Variants in MMP12 observed in about 807,000 individuals in gnomAD.
MMP12 encodes the protein matrix metallopeptidase 12, also known as macrophage metalloelastase.
In MMP12, 51 loss-of-function variants were observed where a neutral mutation model predicts 45.2. That is an observed-to-expected ratio of 1.13 (90% CI 0.90 to 1.42). The LOEUF is 1.42. Among genes scored for constraint, MMP12 ranks in the 40% most tolerant of loss-of-function variants. MMP12 has a pLI of 0.00. For synonymous variants in MMP12, 210 were observed against 193.3 expected (o/e 1.09, Z -0.72); for missense variants, 530 against 570.8 (o/e 0.93, Z 0.73).
rs1555008529 is a variant in MMP12 at position 102,866,302 on chromosome 11, A to G, written c.1045+13T>C. 4 of 1,557,164 alleles carry G rather than the reference A, an allele frequency of 2.6e-6. No individual in the cohort carries two copies. The highest frequency in any genetic ancestry group is 3.5e-6 in the Non-Finnish European group (4 of 1,152,386). ...GAAGTAAACTCAATGGCAAAACTAA[A>G]GATTAGAATTACCTTTAAAAAGAAA... On this transcript the variant is annotated intron_variant, in intron 7 of 9. Transcript: ENST00000571244.
chr11:102,872,695 G>A lies in MMP12; in HGVS notation c.350+170C>T, dbSNP rs147753291. Among the ~76,000 whole-genome samples the A allele has an allele frequency of 1.3e-3, 201 of 152,236 alleles. 1 individual carries two copies. Among genetic ancestry groups the A allele is most frequent in the Admixed American group, 0.012 (185 of 15,290 alleles). On this transcript the variant is annotated intron_variant, in intron 2 of 9. Coordinates refer to ENST00000571244, the MANE Select transcript of MMP12 (RefSeq NM_002426.6). The stretch of plus-strand genomic sequence containing the variant: ...CTGGCAAGCCAAACAATTCTCCCCT[G>A]AGTGAACAATTCTTCCTTCTAGAGA...
At chr11:102,871,747 C>T (rs1342814265) in intron 3 of MMP12, 28 bp from the exon 4 acceptor site, 3 of 1,613,418 alleles carry the variant, frequency 1.9e-6, no homozygotes, top group African/African-American at 1.3e-5. Flanking sequence ...AAAATTAGTC[C>T]TTCTATACAT....
At chr11:102,872,759 A>G in intron 2 of MMP12, 106 bp downstream of exon 2, 1 of 1,179,308 alleles carries the variant, frequency 8.5e-7, no homozygotes. Context: ...CAATGGAGGG[A>G]GGTTACTTTA....
intron 5 of MMP12, 53 bp downstream of exon 5, chr11:102,867,855 A>G (rs1859422747): frequency 6.6e-7 from 1 of 1,519,160 alleles, no homozygotes. Context: ...TTGTTAGACT[A>G]TTCATAAAAG....
chr11:102,874,028 C>CAAAAAAAAAAAAAAAAAAAAAA (rs35364937), intron 1 of MMP12, among the ~76,000 whole-genome samples: 3 of 97,484 alleles, frequency 3.1e-5, no homozygotes, highest in Non-Finnish European at 4.3e-5. Flanking sequence ...AACCCTGTCT[C>CAAAAAAAAAAAAAAAAAAAAAA]AAAAAAAAAA....
At chr11:102,874,469 T>C (rs1859558296) in intron 1 of MMP12, among the ~76,000 whole-genome samples, 1 of 152,172 alleles carries the variant, frequency 6.6e-6, no homozygotes, top group South Asian at 2.1e-4. Context: ...CAGCCTGAAG[T>C]GGTTATATTA....
intron 5 of MMP12, 101 bp downstream of exon 5, chr11:102,867,807 A>G: frequency 3.9e-6 from 5 of 1,293,748 alleles, no homozygotes; most frequent in Non-Finnish European, 5.3e-6. Context: ...TGCGGCTTAA[A>G]AAAAGACAGA....
chr11:102,869,554 T>C (rs1859454432), intron 4 of MMP12, among the ~76,000 whole-genome samples: 2 of 152,108 alleles, frequency 1.3e-5, no homozygotes, highest in African/African-American at 2.4e-5. Flanking sequence ...CATCACCCAA[T>C]ACCATAATAG....
In MMP12 at chr11:102,873,039, A is replaced by C; in HGVS notation, c.176T>G (p.Leu59Ter). Reference protein sequence around the residue: ...PVTKMKYSGNLMKEKIQEMQH... With the variant: ...PVTKMKYSGN The stretch of plus-strand genomic sequence containing the variant: ...CATTTCTTGGATTTTTTCCTTCATT[A>C]AGTTTCCACTATATTTCATTTTTGT... The change falls in exon 2 of 10, where the codon TTA (leucine) becomes TGA (stop). Residue 59 changes from leucine (L) to a stop codon, truncating the protein, a stop_gained. Transcript: ENST00000571244. LOFTEE classifies it high-confidence loss of function. The C allele has an allele frequency of 1.9e-6, 3 of 1,613,100 alleles. No individual in the cohort carries two copies. The highest frequency in any genetic ancestry group is 2.5e-6 in the Non-Finnish European group (3 of 1,179,458).
chr11:102,872,426 C>T (rs12786343), intron 2 of MMP12, among the ~76,000 whole-genome samples: 12,554 of 151,992 alleles, frequency 0.083, 681 homozygotes, highest in South Asian at 0.25. Flanking sequence ...CTGCAAGCTC[C>T]GCCTCCTGGG....
chr11:102,872,853 C>T lies in MMP12; in HGVS notation c.350+12G>A. The T allele has an allele frequency of 6.2e-7, 1 of 1,613,088 alleles. No individual in the cohort carries two copies. Among genetic ancestry groups the T allele is most frequent in the Non-Finnish European group, 8.5e-7 (1 of 1,179,580 alleles). ...AAGTAGAAAAATACAGGGCGACATA[C>T]ACCAACGTTACCTGTAGGTGATATA... On this transcript the variant is annotated intron_variant, in intron 2 of 9. Coordinates refer to ENST00000571244, the MANE Select transcript of MMP12 (RefSeq NM_002426.6).
chr11:102,868,552 T>C (rs1054789994), intron 4 of MMP12, among the ~76,000 whole-genome samples: 3 of 152,194 alleles, frequency 2.0e-5, no homozygotes, highest in African/African-American at 7.2e-5. Flanking sequence ...GAAAAAAATG[T>C]CTTTAGCAAT....
At chr11:102,870,622 TC>T (rs1192631332) in intron 4 of MMP12, among the ~76,000 whole-genome samples, 7 of 152,188 alleles carry the variant, frequency 4.6e-5, no homozygotes, top group Admixed American at 4.6e-4. Flanking sequence ...GTTAGGGTTT[TC>T]CCATGCTAGT....
In MMP12 at chr11:102,865,821, G is replaced by A; in HGVS notation, c.1160C>T (p.Pro387Leu). ...AAAGAAGTAGGTCCTATAAAAACGT[G>A]GGTTAAAAACAGCTGCATCAATTTT... ...VKKIDAAVFNPRFYRTYFFVD... is the reference protein window; with the variant it reads ...VKKIDAAVFNLRFYRTYFFVD... The change falls in exon 8 of 10, where the codon CCA becomes CTA. Residue 387 changes from proline (P) to leucine (L), a missense_variant. Physicochemically the swap from Pro to Leu is moderately conservative, Grantham distance 98. Transcript: ENST00000571244. The surrounding 1 kb of genome is among the most constrained non-coding windows in gnomAD (Gnocchi z 4.1). The A allele has an allele frequency of 1.2e-6, 2 of 1,612,226 alleles. No individual in the cohort carries two copies. The highest frequency in any genetic ancestry group is 1.7e-6 in the Non-Finnish European group (2 of 1,179,028).
Position 102,871,793 on chromosome 11 carries a change from A to AAGT in MMP12, c.499+8_499+10dup. ...ATGCCAAATGACAAAGATGAAATAC[A>AAGT]AGTTCCCTACCTCCACGGGCAAAAA... On this transcript the variant is annotated intron_variant, in intron 3 of 9. Transcript: ENST00000571244. 6.2e-7 allele frequency: 1 copy of AAGT among 1,613,072 alleles called. No individual in the cohort carries two copies. Among genetic ancestry groups the AAGT allele is most frequent in the African/African-American group, 1.3e-5 (1 of 74,990 alleles).
intron 9 of MMP12, among the ~76,000 whole-genome samples, chr11:102,863,794 G>A (rs1421085331): frequency 2.0e-5 from 3 of 152,210 alleles, no homozygotes; most frequent in Non-Finnish European, 4.4e-5. Context: ...GTGTAGGAAA[G>A]GGTGAGACTC....
intron 1 of MMP12, among the ~76,000 whole-genome samples, chr11:102,874,555 C>T (rs967400562): frequency 2.0e-5 from 3 of 152,130 alleles, no homozygotes; most frequent in Non-Finnish European, 4.4e-5. Flanking sequence ...CAGAAGTGAA[C>T]TCCAATTATA....
chr11:102,872,621 G>A lies in MMP12; in HGVS notation c.350+244C>T, dbSNP rs375365431. ...CTCCCAAAGTGCTGGGATTACAGGC[G>A]TGAGCCACCGTGCCTGGCCTATTTG... On this transcript the variant is annotated intron_variant, in intron 2 of 9. Coordinates refer to ENST00000571244, the MANE Select transcript of MMP12 (RefSeq NM_002426.6). Among the ~76,000 whole-genome samples, 157 of 152,278 alleles carry A rather than the reference G, an allele frequency of 1.0e-3. 1 individual carries two copies. The Middle Eastern group carries it at 0.027, about 26-fold the overall frequency.
chr11:102,866,059 A>C (rs1049008512), intron 7 of MMP12, 124 bp from the exon 8 acceptor site: 85 of 890,980 alleles, frequency 9.5e-5, no homozygotes, highest in Admixed American at 2.9e-4. Context: ...TATTGATCTT[A>C]AACATAGTCT....
Sources: allele counts gnomAD v4.1 joint callset (sites outside exome capture counted in the v4.1 genomes callset), GRCh38; gene constraint gnomAD v4.1.1; non-coding constraint Gnocchi (gnomAD v3.1); transcripts MANE v1.5; gene names NCBI Gene and HGNC (gene_info 2026-07-23, HGNC 2026-07-21).